SLC30A8: variants seen among roughly 807,000 people sequenced by gnomAD.
The protein encoded by SLC30A8 is proton-coupled zinc antiporter SLC30A8.
A neutral mutation model predicts 36.9 loss-of-function variants in SLC30A8; 27 were observed. That is an observed-to-expected ratio of 0.73 (90% CI 0.54 to 1.01). The LOEUF is 1.01. SLC30A8 is among the 50% of genes least tolerant of loss of function. The pLI is 0.00. For synonymous variants in SLC30A8, 164 were observed against 172.4 expected (o/e 0.95, Z 0.38); for missense variants, 439 against 452.0 (o/e 0.97, Z 0.26).
chr8:116,959,208 C>T (rs1814329976), intron 1 of SLC30A8, among the ~76,000 whole-genome samples: 1 of 152,024 alleles, frequency 6.6e-6, no homozygotes, highest in South Asian at 2.1e-4. Context: ...TTTCTATTGC[C>T]ATATCTTCAA....
intron 1 of SLC30A8, among the ~76,000 whole-genome samples, chr8:117,008,502 C>G (rs754064414): frequency 3.9e-5 from 6 of 152,144 alleles, no homozygotes; most frequent in Non-Finnish European, 8.8e-5. Context: ...CCCCCAAAGT[C>G]CTATTCAGAG....
intron 1 of SLC30A8, among the ~76,000 whole-genome samples, chr8:117,020,853 A>G (rs980502426): frequency 1.1e-4 from 17 of 152,246 alleles, no homozygotes; most frequent in Non-Finnish European, 1.8e-4. Context: ...ATGTTTTTAT[A>G]TGACTATAAA....
intron 1 of SLC30A8, among the ~76,000 whole-genome samples, chr8:117,019,256 A>C (rs969786734): frequency 1.3e-5 from 2 of 152,200 alleles, no homozygotes; most frequent in African/African-American, 4.8e-5. Flanking sequence ...ATTTTTAAAA[A>C]CTGAATCAAT....
chr8:117,170,139 T>C lies in SLC30A8; in HGVS notation c.830-895T>C, dbSNP rs145531415. On this transcript the variant is annotated intron_variant, in intron 6 of 7. Coordinates refer to ENST00000456015, the MANE Select transcript of SLC30A8 (RefSeq NM_173851.3). Reference sequence around the variant, plus strand: ...TGTTGGGCCTTATCCACAGAGATTCTGATTTAATTGGTCTTGGGTGTAACT... The same window carrying C: ...TGTTGGGCCTTATCCACAGAGATTCCGATTTAATTGGTCTTGGGTGTAACT... Among the ~76,000 whole-genome samples the C allele has an allele frequency of 4.2e-3, 645 of 152,254 alleles. 6 individuals carry two copies. Among genetic ancestry groups the C allele is most frequent in the African/African-American group, 0.013 (559 of 41,550 alleles).
At chr8:117,097,508 TA>T (rs1819447782) in intron 2 of SLC30A8, among the ~76,000 whole-genome samples, 1 of 117,088 alleles carries the variant, frequency 8.5e-6, no homozygotes, top group South Asian at 2.4e-4. Context: ...ATATAATATA[TA>T]ATTTTAAATA....
chr8:117,020,149 A>G (rs918581416), intron 1 of SLC30A8, among the ~76,000 whole-genome samples: 4 of 152,222 alleles, frequency 2.6e-5, no homozygotes, highest in African/African-American at 4.8e-5. Context: ...AGCTTCCAAC[A>G]GATGAGAAAA....
At chr8:117,136,876 A>G (rs1267348358) in intron 1 of SLC30A8, among the ~76,000 whole-genome samples, 5 of 152,048 alleles carry the variant, frequency 3.3e-5, no homozygotes, top group African/African-American at 1.2e-4. Flanking sequence ...TTCAGGACAC[A>G]GTGTTTATAA....
chr8:117,060,221 T>C (rs1817988268), intron 2 of SLC30A8, among the ~76,000 whole-genome samples: 1 of 152,020 alleles, frequency 6.6e-6, no homozygotes, highest in Non-Finnish European at 1.5e-5. Flanking sequence ...TGGTAGAATA[T>C]GGAAGAGGAG....
intron 2 of SLC30A8, among the ~76,000 whole-genome samples, chr8:117,150,425 C>A (rs1822124690): frequency 6.6e-6 from 1 of 152,162 alleles, no homozygotes; most frequent in South Asian, 2.1e-4. Flanking sequence ...CTATTGCTGT[C>A]ACCTTCACTC....
chr8:117,152,258 G>A (rs1175437321), intron 2 of SLC30A8, among the ~76,000 whole-genome samples: 1 of 152,146 alleles, frequency 6.6e-6, no homozygotes, highest in Non-Finnish European at 1.5e-5. Context: ...GAGGCTGGAG[G>A]TCTTTTCTCA....
chr8:117,092,696 G>T (rs1819184316), intron 2 of SLC30A8, among the ~76,000 whole-genome samples: 1 of 152,230 alleles, frequency 6.6e-6, no homozygotes, highest in South Asian at 2.1e-4. Context: ...GGGAGGCACA[G>T]GCAGGTGCCC....
chr8:117,104,515 T>C (rs1006364396), intron 2 of SLC30A8, among the ~76,000 whole-genome samples: 2 of 152,118 alleles, frequency 1.3e-5, no homozygotes, highest in African/African-American at 4.8e-5. Flanking sequence ...TTCATGACAA[T>C]AGGTATTCTC....
intron 1 of SLC30A8, among the ~76,000 whole-genome samples, chr8:116,981,513 C>G (rs1160334578): frequency 1.3e-5 from 2 of 152,062 alleles, no homozygotes; most frequent in African/African-American, 4.8e-5. Flanking sequence ...ATTTCACCAC[C>G]CAGGTAATAA....
intron 1 of SLC30A8, among the ~76,000 whole-genome samples, chr8:116,998,191 G>A (rs1227363834): frequency 1.3e-5 from 2 of 152,126 alleles, no homozygotes; most frequent in African/African-American, 4.8e-5. Context: ...AAAAAAGAAA[G>A]CTTAGCAGAC....
At chr8:117,025,983 C>G (rs570210943) in intron 1 of SLC30A8, among the ~76,000 whole-genome samples, 1 of 152,110 alleles carries the variant, frequency 6.6e-6, no homozygotes, top group Non-Finnish European at 1.5e-5. Context: ...TCCTTTCCTT[C>G]GCAGGGTGAT....
chr8:117,120,560 A>C (rs115394174), intron 2 of SLC30A8, among the ~76,000 whole-genome samples: 3,570 of 152,006 alleles, frequency 0.023, 104 homozygotes, highest in African/African-American at 0.065. Flanking sequence ...GATTTGTTTG[A>C]TATGACACCA....
intron 2 of SLC30A8, among the ~76,000 whole-genome samples, chr8:117,068,796 C>G (rs944141572): frequency 2.6e-5 from 4 of 152,030 alleles, no homozygotes; most frequent in African/African-American, 9.7e-5. Flanking sequence ...AGGCTGGTCT[C>G]GAACTCCTGA....
rs187827752 is a variant in SLC30A8, at chr8:117,038,317, G to A, written c.-265-902G>A. Among the ~76,000 whole-genome samples, 18 of 152,016 alleles carry A rather than the reference G, an allele frequency of 1.2e-4. No individual in the cohort carries two copies. In the East Asian group the frequency reaches 2.7e-3, roughly 23 times the overall value. ...TATTTTTTCCAAAACACCAGAGATC[G>A]ATATGTACATCTTTAAAAATAAGTT... On this transcript the variant is annotated intron_variant, in intron 1 of 10. Transcript: ENST00000427715.
At chr8:116,987,621 A>G (rs1022488482) in intron 1 of SLC30A8, among the ~76,000 whole-genome samples, 3 of 147,292 alleles carry the variant, frequency 2.0e-5, no homozygotes, top group African/African-American at 8.1e-5. Context: ...ACTATTTACC[A>G]AAAAAGAAAA....
Sources: allele counts gnomAD v4.1 joint callset (sites outside exome capture counted in the v4.1 genomes callset), GRCh38; gene constraint gnomAD v4.1.1; transcripts MANE v1.5; gene names NCBI Gene and HGNC (gene_info 2026-07-23, HGNC 2026-07-21).